Variants in ABCA9 observed in about 807,000 individuals in gnomAD.
ABCA9 encodes ATP binding cassette subfamily A member 9.
In ABCA9, 183 loss-of-function variants were observed where a neutral mutation model predicts 205.3. That is an observed-to-expected ratio of 0.89 (90% CI 0.79 to 1.01). The LOEUF is 1.01. Ranked by LOEUF, ABCA9 falls within the 50% of genes least tolerant of loss-of-function variation. The pLI is 0.00. For missense variants in ABCA9, 1,805 were observed against 1,912.4 expected (o/e 0.94, Z 1.05); for synonymous variants, 651 against 683.3 (o/e 0.95, Z 0.74).
rs776717127 is a variant in ABCA9, at chr17:69,026,956, T to G, written c.2050+20A>C. On this transcript the variant is annotated intron_variant, in intron 15 of 38. Coordinates refer to ENST00000340001, the MANE Select transcript of ABCA9 (RefSeq NM_080283.4). The stretch of plus-strand genomic sequence containing the variant: ...GTCTCTAACCTCTCATGAAGATACA[T>G]AAGAGAAACAAAAAATTACCCGCCA... The G allele has an allele frequency of 3.1e-6, 5 of 1,613,122 alleles. No individual in the cohort carries two copies. The East Asian group carries it at 1.1e-4, about 36-fold the overall frequency.
the ABCA9 span, among the ~76,000 whole-genome samples, chr17:69,067,819 C>T: frequency 0.88 from 133,665 of 152,194 alleles, 59,244 homozygotes; most frequent in Non-Finnish European, 0.95. Context: ...ACAGAGCTCA[C>T]TGGGTTTGAA....
chr17:69,026,565 C>T (rs975548568), intron 15 of ABCA9, 98 bp from the exon 16 acceptor site: 3 of 1,108,858 alleles, frequency 2.7e-6, no homozygotes, highest in Non-Finnish European at 4.0e-6. Context: ...AGCAGCATGA[C>T]ACACTAAAAT....
chr17:68,993,384 G>GA (rs1159689320), intron 26 of ABCA9, among the ~76,000 whole-genome samples: 1 of 152,196 alleles, frequency 6.6e-6, no homozygotes, highest in African/African-American at 2.4e-5. Flanking sequence ...TCTGTCTTAA[G>GA]ACAAACCCTC....
chr17:69,005,640 G>GTTTTC (rs1304646744), intron 25 of ABCA9, among the ~76,000 whole-genome samples: 2 of 152,092 alleles, frequency 1.3e-5, no homozygotes, highest in Non-Finnish European at 2.9e-5. Flanking sequence ...TTCCACTTCG[G>GTTTTC]TTTTCTTTGT....
the ABCA9 span, among the ~76,000 whole-genome samples, chr17:69,070,202 A>G: frequency 6.6e-6 from 1 of 152,200 alleles, no homozygotes; most frequent in Non-Finnish European, 1.5e-5. Context: ...ATATTTAATT[A>G]CATAAAATGC....
At chr17:69,022,010 A>G (rs1014591843) in intron 17 of ABCA9, 149 bp from the exon 18 acceptor site, 4 of 530,362 alleles carry the variant, frequency 7.5e-6, no homozygotes, top group African/African-American at 2.0e-5. Context: ...AATGATCCAT[A>G]TAGTATGTTA....
intron 22 of ABCA9, among the ~76,000 whole-genome samples, chr17:69,013,225 G>A (rs1031965316): frequency 2.6e-5 from 4 of 152,026 alleles, no homozygotes; most frequent in Non-Finnish European, 5.9e-5. Context: ...CTTTTGTGGG[G>A]GTAGCAAAGG....
intron 6 of ABCA9, among the ~76,000 whole-genome samples, chr17:69,039,749 A>G (rs1413718830): frequency 6.6e-6 from 1 of 152,288 alleles, no homozygotes; most frequent in Admixed American, 6.5e-5. Flanking sequence ...AAAGGAAACT[A>G]CAATCAGAGT....
chr17:69,016,511 G>C (rs1598377185), intron 21 of ABCA9, 121 bp from the exon 22 acceptor site: 3 of 824,978 alleles, frequency 3.6e-6, no homozygotes, highest in Non-Finnish European at 5.3e-6. Context: ...CACTGAATGT[G>C]ATTAATATCA....
rs1483666144 is a variant in ABCA9 at position 69,029,195 on chromosome 17, T to G, written c.1478A>C (p.Lys493Thr). 1.3e-6 allele frequency: 2 copies of G among 1,560,226 alleles called. No individual in the cohort carries two copies. Among genetic ancestry groups the G allele is most frequent in the Admixed American group, 1.8e-5 (1 of 55,676 alleles). ...TTTCAAAGCTTCTACTCTCTCACAC[T>G]TCCCTGCATATTCTTTTTTAAGATT... ...IKNLKKEYAG[K>T]CERVEALKGV... is the part of the protein sequence containing the mutation. Residue 493 changes from lysine (K) to threonine (T), a missense_variant, in exon 11 of 39, where the codon AAG becomes ACG. Lys to Thr is a moderately conservative substitution (Grantham distance 78). Coordinates refer to ENST00000340001, the MANE Select transcript of ABCA9 (RefSeq NM_080283.4).
In ABCA9 at chr17:69,027,403, A is replaced by G. The variant is rs753783829; in HGVS notation, c.1838T>C (p.Ile613Thr). The G allele has an allele frequency of 6.2e-7, 1 of 1,613,152 alleles. No homozygotes were observed. Among genetic ancestry groups the G allele is most frequent in the East Asian group, 2.2e-5 (1 of 44,778 alleles). Residue 613 changes from isoleucine to threonine, a missense_variant, in exon 14 of 39, where the codon ATC becomes ACC. Ile to Thr is a moderately conservative substitution (Grantham distance 89). Coordinates refer to ENST00000340001, the MANE Select transcript of ABCA9 (RefSeq NM_080283.4). ...QELEMENIQD[I>T]LAQNLSGGQN... is the part of the protein sequence containing the mutation. ...TCCACCACTTAAGTTTTGAGCAAGG[A>G]TGTCTTGAATATTTTCCATTTCTAA...
intron 28 of ABCA9, among the ~76,000 whole-genome samples, chr17:68,991,492 A>G (rs768127312): frequency 5.3e-5 from 8 of 152,156 alleles, no homozygotes; most frequent in African/African-American, 1.7e-4. Context: ...TCTTGCCTTC[A>G]TCATCCCACC....
intron 25 of ABCA9, among the ~76,000 whole-genome samples, chr17:69,004,976 C>T (rs748562281): frequency 7.9e-5 from 12 of 152,038 alleles, no homozygotes; most frequent in Non-Finnish European, 1.6e-4. Context: ...CGCCCTGCTT[C>T]GGCTCGTGCA....
chr17:69,074,920 A>C, the ABCA9 span, among the ~76,000 whole-genome samples: 3 of 151,938 alleles, frequency 2.0e-5, no homozygotes, highest in African/African-American at 7.3e-5. Context: ...GCTGTTTTTT[A>C]ATTTCTTAAT....
Position 68,995,930 on chromosome 17 carries a change from AG to A in ABCA9, c.3519del (p.Phe1174SerfsTer3). The A allele has an allele frequency of 1.9e-6, 3 of 1,613,860 alleles. No individual in the cohort carries two copies. The highest frequency in any genetic ancestry group is 2.5e-6 in the Non-Finnish European group (3 of 1,179,932). On this transcript the variant is annotated frameshift_variant, in exon 26 of 39. Coordinates refer to ENST00000340001, the MANE Select transcript of ABCA9 (RefSeq NM_080283.4). LOFTEE classifies it high-confidence loss of function. Reference sequence around the variant, plus strand: ...ATGAATAGAGAGCCAATCAATGTGAAGGGAGGTATTAACATGGTGCCAAAAA... The same window carrying A: ...ATGAATAGAGAGCCAATCAATGTGAAGGAGGTATTAACATGGTGCCAAAAA... ...GLFFGTMLIP[P>X]FTLIGSLFIF...
intron 37 of ABCA9, among the ~76,000 whole-genome samples, chr17:68,976,456 A>G (rs1175192315): frequency 6.6e-6 from 1 of 152,182 alleles, no homozygotes; most frequent in African/African-American, 2.4e-5. Context: ...ACAAGCTAAG[A>G]GATGGTACCC....
chr17:68,985,426 A>T (rs1272763495), intron 32 of ABCA9, among the ~76,000 whole-genome samples: 1 of 152,078 alleles, frequency 6.6e-6, no homozygotes, highest in Non-Finnish European at 1.5e-5. Context: ...GATTGAGACC[A>T]TCCTGGCCAA....
intron 37 of ABCA9, among the ~76,000 whole-genome samples, chr17:68,979,240 C>G (rs1464612867): frequency 4.0e-5 from 6 of 151,798 alleles, no homozygotes; most frequent in Non-Finnish European, 8.8e-5. Context: ...TGTGAAGGAC[C>G]TCTTCAAGGA....
intron 19 of ABCA9, 57 bp downstream of exon 19, chr17:69,020,331 T>C (rs886450907): frequency 2.7e-6 from 4 of 1,495,018 alleles, no homozygotes; most frequent in South Asian, 1.3e-5. Flanking sequence ...TGTTTTGCTC[T>C]CTTAAATTTA....
Sources: gnomAD v4.1 joint callset for allele counts (sites outside exome capture counted in the v4.1 genomes callset) on GRCh38, gnomAD v4.1.1 for gene constraint, MANE v1.5 for transcripts, NCBI Gene and HGNC (gene_info 2026-07-23, HGNC 2026-07-21) for gene names.